MIPEP: variants seen among roughly 807,000 people sequenced by gnomAD.
MIPEP encodes mitochondrial intermediate peptidase.
In MIPEP, 79 loss-of-function variants were observed where a neutral mutation model predicts 90.3. The ratio of observed to expected loss-of-function variants is 0.87; its 90% confidence interval spans 0.73 to 1.05. The LOEUF (loss-of-function observed/expected upper bound fraction) is 1.05. Ranked by LOEUF, MIPEP falls within the 50% of genes least tolerant of loss-of-function variation. MIPEP has a pLI of 0.00. For missense variants in MIPEP, 940 were observed against 905.6 expected (o/e 1.04, Z -0.49); for synonymous variants, 334 against 315.8 (o/e 1.06, Z -0.61).
intron 14 of MIPEP, among the ~76,000 whole-genome samples, chr13:23,820,468 T>G (rs903271301): frequency 6.6e-6 from 1 of 152,236 alleles, no homozygotes; most frequent in Non-Finnish European, 1.5e-5. Context: ...TGATTTAATA[T>G]GTACAACACT....
At chr13:23,875,231 T>G (rs188182204) in intron 4 of MIPEP, among the ~76,000 whole-genome samples, 70 of 152,158 alleles carry the variant, frequency 4.6e-4, no homozygotes, top group African/African-American at 1.6e-3. Flanking sequence ...ATAATAATAA[T>G]TTTATTTAGT....
chr13:23,751,838 T>C (rs2138505325), intron 18 of MIPEP, among the ~76,000 whole-genome samples: 1 of 151,772 alleles, frequency 6.6e-6, no homozygotes, highest in South Asian at 2.1e-4. Context: ...CTAAAGGAGC[T>C]CACAGGAAGA....
intron 10 of MIPEP, 50 bp downstream of exon 10, chr13:23,858,810 A>G (rs754198199): frequency 1.2e-5 from 19 of 1,522,320 alleles, no homozygotes; most frequent in Non-Finnish European, 3.6e-6. Flanking sequence ...CTGAATAAAC[A>G]TTAGTTTCCT....
At chr13:23,746,277 G>A (rs981655982) in intron 18 of MIPEP, among the ~76,000 whole-genome samples, 1 of 151,042 alleles carries the variant, frequency 6.6e-6, no homozygotes, top group Non-Finnish European at 1.5e-5. Context: ...GCCTCCCAAA[G>A]TGCTGGGATT....
At chr13:23,852,871 G>A (rs1489400422) in intron 10 of MIPEP, among the ~76,000 whole-genome samples, 1 of 152,162 alleles carries the variant, frequency 6.6e-6, no homozygotes, top group East Asian at 1.9e-4. Flanking sequence ...GTGGAAGACA[G>A]TGATGTTGAT....
chr13:23,769,362 G>A (rs1952626404), intron 16 of MIPEP, among the ~76,000 whole-genome samples: 1 of 152,202 alleles, frequency 6.6e-6, no homozygotes, highest in Admixed American at 6.5e-5. Flanking sequence ...CTTCAGTAAA[G>A]GAGGTGTGTC....
At chr13:23,850,263 G>T (rs1209693640) in intron 10 of MIPEP, among the ~76,000 whole-genome samples, 1 of 152,204 alleles carries the variant, frequency 6.6e-6, no homozygotes, top group African/African-American at 2.4e-5. Flanking sequence ...ATAGCTGGGT[G>T]ACATTTTGAA....
At chr13:23,771,107 T>G (rs931395154) in intron 16 of MIPEP, among the ~76,000 whole-genome samples, 1 of 152,000 alleles carries the variant, frequency 6.6e-6, no homozygotes, top group African/African-American at 2.4e-5. Context: ...CTGCAACAAG[T>G]GCTATGGGAA....
chr13:23,834,737 C>T (rs958185161), intron 14 of MIPEP, among the ~76,000 whole-genome samples: 1 of 152,176 alleles, frequency 6.6e-6, no homozygotes, highest in Non-Finnish European at 1.5e-5. Context: ...CCAGGGCCCT[C>T]GTGGCCCTGC....
At chr13:23,857,200 G>A (rs1870080178) in intron 10 of MIPEP, among the ~76,000 whole-genome samples, 1 of 152,168 alleles carries the variant, frequency 6.6e-6, no homozygotes, top group Middle Eastern at 3.4e-3. Flanking sequence ...AGGGAGCAGG[G>A]TTTCAAGTTC....
chr13:23,842,764 G>A (rs761143844), intron 10 of MIPEP, among the ~76,000 whole-genome samples: 5 of 152,160 alleles, frequency 3.3e-5, no homozygotes, highest in Non-Finnish European at 7.3e-5. Context: ...CTTTACTTGT[G>A]GAGTGCAGAG....
chr13:23,870,020 T>A lies in MIPEP; in HGVS notation c.779A>T (p.Asp260Val), dbSNP rs878859444. ...IIDGLHAESPDDLVREAAYKI... is the reference protein window; with the variant it reads ...IIDGLHAESPVDLVREAAYKI... ...AGAATGAAACATACATACCAAGTCA[T>A]CTGGTGATTCTGCGTGGAGACCATC... Residue 260 changes from aspartate (D) to valine (V), a missense_variant, in exon 6 of 19, where the codon GAT (aspartate) becomes GTT (valine). Physicochemically the swap from Asp to Val is radical, Grantham distance 152. Transcript: ENST00000382172. 1 of 1,590,372 alleles carries A rather than the reference T, an allele frequency of 6.3e-7. No homozygotes were observed. The highest frequency in any genetic ancestry group is 8.6e-7 in the Non-Finnish European group (1 of 1,167,662).
At chr13:23,758,546 G>T (rs1029953413) in intron 17 of MIPEP, among the ~76,000 whole-genome samples, 2 of 152,208 alleles carry the variant, frequency 1.3e-5, no homozygotes, top group South Asian at 4.2e-4. Flanking sequence ...CTATTTTACA[G>T]AAATCTACAG....
intron 14 of MIPEP, among the ~76,000 whole-genome samples, chr13:23,815,246 C>T (rs1408837143): frequency 6.6e-6 from 1 of 152,056 alleles, no homozygotes; most frequent in East Asian, 1.9e-4. Flanking sequence ...GGAATTATAG[C>T]TAAACAATTT....
intron 16 of MIPEP, among the ~76,000 whole-genome samples, chr13:23,767,202 C>A (rs1471672020): frequency 6.6e-6 from 1 of 152,162 alleles, no homozygotes; most frequent in African/African-American, 2.4e-5. Flanking sequence ...CCTTGTGTGA[C>A]CCCCAGGCAC....
chr13:23,751,663 C>G (rs115120339), intron 18 of MIPEP, among the ~76,000 whole-genome samples: 1 of 152,142 alleles, frequency 6.6e-6, no homozygotes, highest in South Asian at 2.1e-4. Flanking sequence ...AGATTCTTTG[C>G]GGAAGAGTTG....
chr13:23,772,855 C>CT (rs140934797), intron 16 of MIPEP, among the ~76,000 whole-genome samples: 472 of 152,224 alleles, frequency 3.1e-3, no homozygotes, highest in African/African-American at 0.011. Flanking sequence ...CTTCCCTGCT[C>CT]TAAGACAGTG....
At chr13:23,735,914 A>C (rs1325916807) in intron 18 of MIPEP, among the ~76,000 whole-genome samples, 1 of 96,766 alleles carries the variant, frequency 1.0e-5, no homozygotes, top group African/African-American at 3.7e-5. Flanking sequence ...AAAAAAAAAC[A>C]AAAAAAACAA....
Position 23,858,902 on chromosome 13 carries a change from G to A in MIPEP, c.1064C>T (p.Pro355Leu), listed in dbSNP as rs144106550. 1.5e-4 allele frequency: 249 copies of A among 1,613,330 alleles called. No homozygotes were observed. Among genetic ancestry groups the A allele is most frequent in the Admixed American group, 4.0e-4 (24 of 59,960 alleles). Reference sequence around the variant, plus strand: ...ACCACTGTAGTAAGGGGGGTCCCAGGGCATTACTTCCTACAATGGAATAAT... The same window carrying A: ...ACCACTGTAGTAAGGGGGGTCCCAGAGCATTACTTCCTACAATGGAATAAT... ...KLNPQNSEVM[P>L]WDPPYYSGVI... Residue 355 changes from proline (P) to leucine (L), a missense_variant, in exon 10 of 19, where the codon CCC (proline) becomes CTC (leucine). By Grantham distance (98) the Pro-to-Leu change is moderately conservative. Coordinates refer to ENST00000382172, the MANE Select transcript of MIPEP (RefSeq NM_005932.4).
Sources: gnomAD v4.1 joint callset for allele counts (sites outside exome capture counted in the v4.1 genomes callset) on GRCh38, gnomAD v4.1.1 for gene constraint, MANE v1.5 for transcripts, NCBI Gene and HGNC (gene_info 2026-07-23, HGNC 2026-07-21) for gene names.